Variants in DSCAM observed in about 807,000 individuals in gnomAD.
The protein encoded by DSCAM is DS cell adhesion molecule, also known as cell adhesion molecule DSCAM.
DSCAM carries 47 observed loss-of-function variants against 217.7 expected under a neutral mutation model. That is an observed-to-expected ratio of 0.22 (90% CI 0.17 to 0.28). The LOEUF (loss-of-function observed/expected upper bound fraction) is 0.28, where lower values mean the gene tolerates loss of function less well. Among genes scored for constraint, DSCAM ranks in the 10% least tolerant of loss-of-function variants. The pLI, the probability that DSCAM is intolerant of heterozygous loss-of-function variation, is 1.00. For synonymous variants in DSCAM, 1,056 were observed against 1,015.3 expected (o/e 1.04, Z -0.76); for missense variants, 2,080 against 2,618.3 (o/e 0.79, Z 4.49).
rs1314437610 is a variant in DSCAM at position 40,464,817 on chromosome 21, T to C, written c.509-95572A>G. ...GCACGGTGGTGCAATCTCAGCTCAC[T>C]GCAACCTCTGCCTCCCAGATCCATG... On this transcript the variant is annotated intron_variant, in intron 3 of 32. Coordinates refer to ENST00000400454, the MANE Select transcript of DSCAM (RefSeq NM_001389.5). Among the ~76,000 whole-genome samples, 3 of 151,388 alleles carry C rather than the reference T, an allele frequency of 2.0e-5. No individual in the cohort carries two copies. In the East Asian group the frequency reaches 5.8e-4, roughly 30 times the overall value.
intron 27 of DSCAM, among the ~76,000 whole-genome samples, chr21:40,065,325 G>C (rs1177383274): frequency 2.0e-5 from 3 of 152,088 alleles, no homozygotes; most frequent in Admixed American, 6.6e-5. Flanking sequence ...CCAGGGCTGA[G>C]ATGAGGGTCT....
chr21:40,488,597 G>C (rs1010776639), intron 3 of DSCAM, among the ~76,000 whole-genome samples: 1 of 152,060 alleles, frequency 6.6e-6, no homozygotes, highest in Non-Finnish European at 1.5e-5. Flanking sequence ...AAGGAAAAAA[G>C]GTAAAAATCA....
At chr21:40,541,776 A>C (rs1269164841) in intron 3 of DSCAM, among the ~76,000 whole-genome samples, 1 of 152,218 alleles carries the variant, frequency 6.6e-6, no homozygotes, top group Non-Finnish European at 1.5e-5. Context: ...CAGTATATTG[A>C]TGTTTAGGAA....
intron 1 of DSCAM, among the ~76,000 whole-genome samples, chr21:40,808,313 C>G (rs2091806197): frequency 6.6e-6 from 1 of 151,870 alleles, no homozygotes; most frequent in Non-Finnish European, 1.5e-5. Context: ...ACATACAGAC[C>G]CAAAGTTCAC....
chr21:40,385,637 G>T (rs2075076635), intron 3 of DSCAM, among the ~76,000 whole-genome samples: 1 of 152,172 alleles, frequency 6.6e-6, no homozygotes, highest in Non-Finnish European at 1.5e-5. Context: ...CTTCTTAAGG[G>T]CTTGGCACAT....
intron 16 of DSCAM, among the ~76,000 whole-genome samples, chr21:40,150,192 G>A (rs1459989686): frequency 6.6e-6 from 1 of 152,168 alleles, no homozygotes; most frequent in Non-Finnish European, 1.5e-5. Flanking sequence ...GCAAGTACAG[G>A]GTAGGAATTC....
At chr21:40,759,208 G>A (rs2091306069) in intron 1 of DSCAM, among the ~76,000 whole-genome samples, 1 of 152,016 alleles carries the variant, frequency 6.6e-6, no homozygotes, top group Non-Finnish European at 1.5e-5. Flanking sequence ...AGGATTCCAG[G>A]TTGGATTCCA....
chr21:40,446,892 C>G (rs1017585230), intron 3 of DSCAM, among the ~76,000 whole-genome samples: 15 of 152,136 alleles, frequency 9.9e-5, no homozygotes, highest in African/African-American at 3.6e-4. Context: ...ACAGGGCCAG[C>G]CCCAAATGCA....
chr21:40,759,490 G>A (rs533803146), intron 1 of DSCAM, among the ~76,000 whole-genome samples: 1 of 152,312 alleles, frequency 6.6e-6, no homozygotes, highest in African/African-American at 2.4e-5. Flanking sequence ...TCTGATCATG[G>A]ATAAATACCC....
At chr21:40,519,082 C>T (rs935009952) in intron 3 of DSCAM, among the ~76,000 whole-genome samples, 7 of 151,930 alleles carry the variant, frequency 4.6e-5, no homozygotes, top group Non-Finnish European at 7.4e-5. Context: ...ACATGTAGTC[C>T]GATGTTGACT....
rs1169122899 is a variant in DSCAM at position 40,189,244 on chromosome 21, A to G, written c.2357-6T>C. On this transcript the variant is annotated splice_polypyrimidine_tract_variant and splice_region_variant and intron_variant, in intron 11 of 32. Transcript: ENST00000400454. Reference sequence around the variant, plus strand: ...GGATGTTATCATCGCAGGAACTGAAAAAGCAAAAGGGACACAACTTGTTCA... The same window carrying G: ...GGATGTTATCATCGCAGGAACTGAAGAAGCAAAAGGGACACAACTTGTTCA... 5 of 1,561,796 alleles carry G rather than the reference A, an allele frequency of 3.2e-6. No individual in the cohort carries two copies. The South Asian group carries it at 6.1e-5, about 19-fold the overall frequency.
chr21:40,504,607 G>A (rs980191248), intron 3 of DSCAM, among the ~76,000 whole-genome samples: 2 of 152,120 alleles, frequency 1.3e-5, no homozygotes, highest in Non-Finnish European at 2.9e-5. Flanking sequence ...TAGGCGATGC[G>A]AAAGGCTCAA....
intron 11 of DSCAM, among the ~76,000 whole-genome samples, chr21:40,267,188 T>A (rs960834672): frequency 6.0e-5 from 9 of 150,952 alleles, no homozygotes; most frequent in Non-Finnish European, 1.2e-4. Flanking sequence ...ATAGAAAAAA[T>A]TAAAAAATGA....
At chr21:40,078,239 A>G (rs1462429253) in intron 26 of DSCAM, among the ~76,000 whole-genome samples, 1 of 152,180 alleles carries the variant, frequency 6.6e-6, no homozygotes, top group Admixed American at 6.5e-5. Flanking sequence ...AGAGACTAAC[A>G]TAAGCTCCTT....
At chr21:40,686,160 A>C (rs577797488) in intron 3 of DSCAM, among the ~76,000 whole-genome samples, 9 of 140,092 alleles carry the variant, frequency 6.4e-5, no homozygotes, top group Admixed American at 4.0e-4. Flanking sequence ...CCCTGCATAT[A>C]TCACACACAC....
At position 40,503,194 on chromosome 21, in the gene DSCAM, T is replaced by G. The variant is rs1449725001; in HGVS notation, c.509-133949A>C. Among the ~76,000 whole-genome samples, 4 of 152,346 alleles carry G rather than the reference T, an allele frequency of 2.6e-5. No homozygotes were observed. The East Asian group carries it at 7.7e-4, about 29-fold the overall frequency. On this transcript the variant is annotated intron_variant, in intron 3 of 32. Coordinates refer to ENST00000400454, the MANE Select transcript of DSCAM (RefSeq NM_001389.5). The stretch of plus-strand genomic sequence containing the variant: ...GAGAGTGATCTGCCAAAGGCCACAC[T>G]GCTGATGGGTTGCAGGGCTAAATTC...
chr21:40,245,453 T>C (rs550750519), intron 11 of DSCAM, among the ~76,000 whole-genome samples: 42 of 152,286 alleles, frequency 2.8e-4, no homozygotes, highest in African/African-American at 9.6e-4. Context: ...CATCATAGCT[T>C]GCTGGGTGAT....
At chr21:40,028,500 G>GACTCC (rs1405290659) in intron 32 of DSCAM, among the ~76,000 whole-genome samples, 1 of 151,884 alleles carries the variant, frequency 6.6e-6, no homozygotes, top group Non-Finnish European at 1.5e-5. Context: ...CAATCAGCGA[G>GACTCC]ACTCCATGGG....
chr21:40,213,380 G>C (rs1349789251), intron 11 of DSCAM, among the ~76,000 whole-genome samples: 4 of 152,086 alleles, frequency 2.6e-5, no homozygotes, highest in African/African-American at 4.8e-5. Context: ...TGCACACATA[G>C]GTTTACTGTC....
Sources: allele counts gnomAD v4.1 joint callset (sites outside exome capture counted in the v4.1 genomes callset), GRCh38; gene constraint gnomAD v4.1.1; transcripts MANE v1.5; gene names NCBI Gene and HGNC (gene_info 2026-07-23, HGNC 2026-07-21).